The following SMO variants were observed in gnomAD, a reference collection of about 807,000 sequenced individuals.
The protein encoded by SMO is smoothened, frizzled class receptor.
A neutral mutation model predicts 81.6 loss-of-function variants in SMO; 40 were observed. The observed-to-expected ratio is 0.49, with a 90% confidence interval of 0.38 to 0.64. The LOEUF is 0.64. SMO is among the 30% of genes least tolerant of loss of function. SMO has a pLI of 0.00. For missense variants in SMO, 916 were observed against 1,061.1 expected (o/e 0.86, Z 1.90); for synonymous variants, 434 against 432.1 (o/e 1.00, Z -0.05).
At chr7:129,198,836 C>T (rs185052872) in intron 1 of SMO, among the ~76,000 whole-genome samples, 1 of 152,180 alleles carries the variant, frequency 6.6e-6, no homozygotes, top group Non-Finnish European at 1.5e-5. Flanking sequence ...GATGACATTG[C>T]CTGATGACAC....
chr7:129,211,663 C>A lies in SMO; in HGVS notation c.1829C>A (p.Pro610His), dbSNP rs779588453. The change falls in exon 11 of 12, where the codon CCC becomes CAC. Residue 610 changes from proline (P) to histidine (H), a missense_variant. Physicochemically the swap from Pro to His is moderately conservative, Grantham distance 77 (BLOSUM62 -2). Transcript: ENST00000249373. This position sits in a 1 kb window ranked among gnomAD's most constrained non-coding sequence, Gnocchi z 4.6. ...VAGLAFDLNE[P>H]SADVSSAWAQ... ...GGCTTGGCCTTTGACCTCAATGAGC[C>A]CTCAGCTGATGTCTCCTCTGCCTGG... The A allele has an allele frequency of 6.2e-7, 1 of 1,613,220 alleles. No individual in the cohort carries two copies. The highest frequency in any genetic ancestry group is 1.3e-5 in the African/African-American group (1 of 74,880).
At position 129,188,751 on chromosome 7, in the gene SMO, G is replaced by A. The variant is rs1311890995; in HGVS notation, c.-401G>A. 2.0e-5 allele frequency: 4 copies of A among 202,520 alleles called. No individual in the cohort carries two copies. The highest frequency in any genetic ancestry group is 4.0e-5 in the Non-Finnish European group (4 of 98,856). 12.5% of individuals were successfully genotyped at this position (202,520 alleles called of 1,614,324 possible). A position where few individuals can be genotyped will look rare whatever the true frequency, so the allele number is the denominator to read the frequency against. ...TGCTGGGCCGCGGGCTGGCGCGGGGGCGGAGCCGGAGCTGCACTCGCACCC... is the reference window on the plus strand; with the variant it reads ...TGCTGGGCCGCGGGCTGGCGCGGGGACGGAGCCGGAGCTGCACTCGCACCC... On this transcript the variant is annotated 5_prime_UTR_variant, in exon 1 of 12. Transcript: ENST00000249373. This position sits in a 1 kb window ranked among gnomAD's most constrained non-coding sequence, Gnocchi z 4.9.
rs565791110 is a variant in SMO at position 129,210,828 on chromosome 7, C to T, written c.1653-137C>T. 2.2e-6 allele frequency: 2 copies of T among 908,496 alleles called. No individual in the cohort carries two copies. The highest frequency in any genetic ancestry group is 5.7e-5 in the Admixed American group (2 of 35,374). 56.3% of individuals were successfully genotyped at this position (908,496 alleles called of 1,614,324 possible). On this transcript the variant is annotated intron_variant, in intron 9 of 11. Transcript: ENST00000249373. This position sits in a 1 kb window ranked among gnomAD's most constrained non-coding sequence, Gnocchi z 4.7. ...CCCCACTTCTTTGCAGAGAAGGCCT[C>T]TACTCCTGAGTCCTTGAAGGACTTG...
rs367826198 is a variant in SMO at position 129,201,881 on chromosome 7, T to A, written c.332-1503T>A. Among the ~76,000 whole-genome samples, 95 of 151,728 alleles carry A rather than the reference T, an allele frequency of 6.3e-4. 1 individual carries two copies. The South Asian group carries it at 0.015, about 24-fold the overall frequency. ...TTTTTAGTAGAGACGGGGTTTCACC[T>A]TGTTGGCCAGGCTGGTCTTGAACTC... is the stretch of plus-strand genomic sequence containing the variant. On this transcript the variant is annotated intron_variant, in intron 1 of 11. Coordinates refer to ENST00000249373, the MANE Select transcript of SMO (RefSeq NM_005631.5).
rs1793440551 is a variant in SMO at position 129,189,051 on chromosome 7, C to T, written c.-101C>T. On this transcript the variant is annotated 5_prime_UTR_variant, in exon 1 of 12. Transcript: ENST00000249373. This position sits in a 1 kb window ranked among gnomAD's most constrained non-coding sequence, Gnocchi z 4.7. ...CCGGATTCTCTGGGCGCACAGGTCG[C>T]CTGAGCCGCCTCCGCGGCCGCCGAG... The T allele has an allele frequency of 3.6e-6, 4 of 1,103,208 alleles. No individual in the cohort carries two copies. Among genetic ancestry groups the T allele is most frequent in the Non-Finnish European group, 3.4e-6 (3 of 878,338 alleles). The allele number at this position is 1,103,208 out of a possible 1,614,324, so 68.3% of individuals were successfully genotyped here.
chr7:129,210,613 T>C lies in SMO; in HGVS notation c.1652+65T>C, dbSNP rs928349584. 10 of 1,374,742 alleles carry C rather than the reference T, an allele frequency of 7.3e-6. No homozygotes were observed. The highest frequency in any genetic ancestry group is 1.2e-5 in the South Asian group (1 of 83,874). The allele number at this position is 1,374,742 out of a possible 1,614,324, so 85.2% of individuals were successfully genotyped here. A position where few individuals can be genotyped will look rare whatever the true frequency, so the allele number is the denominator to read the frequency against. On this transcript the variant is annotated intron_variant, in intron 9 of 11. Transcript: ENST00000249373. The surrounding 1 kb of genome is among the most constrained non-coding windows in gnomAD (Gnocchi z 4.7). ...ACCCTCAGCCTTGGGACCCCATCTTTAGGTTTTGTCGGGTCCTGCCTCTAG... is the reference window on the plus strand; with the variant it reads ...ACCCTCAGCCTTGGGACCCCATCTTCAGGTTTTGTCGGGTCCTGCCTCTAG...
At position 129,212,857 on chromosome 7, in the gene SMO, GC is replaced by G. The variant is rs1231279663; in HGVS notation, c.*408del. On this transcript the variant is annotated 3_prime_UTR_variant, in exon 12 of 12. Coordinates refer to ENST00000249373, the MANE Select transcript of SMO (RefSeq NM_005631.5). This position sits in a 1 kb window ranked among gnomAD's most constrained non-coding sequence, Gnocchi z 5.0. ...TATGTCTGGCAGATGAGGGCTGGCT[GC>G]CGTTTTCTGGGCTGATGGGTGCCCT... 3.4e-6 allele frequency: 1 copy of G among 298,132 alleles called. No homozygotes were observed. The highest frequency in any genetic ancestry group is 6.2e-6 in the Non-Finnish European group (1 of 160,340). 18.5% of individuals were successfully genotyped at this position (298,132 alleles called of 1,614,324 possible). A position where few individuals can be genotyped will look rare whatever the true frequency, so the allele number is the denominator to read the frequency against.
chr7:129,194,729 A>G (rs1357265159), intron 1 of SMO, among the ~76,000 whole-genome samples: 2 of 151,992 alleles, frequency 1.3e-5, no homozygotes, highest in South Asian at 2.1e-4. Flanking sequence ...ACTTTATATC[A>G]TTATGTAAGA....
In SMO at chr7:129,203,548, T is replaced by A. The variant is rs1310882621; in HGVS notation, c.496T>A (p.Phe166Ile). ...GGAGAGGGAGCGGGGCTGGCCTGAC[T>A]TCCTGCGCTGCACTCCTGACCGCTT... ...IVERERGWPD[F>I]LRCTPDRFPE... Residue 166 changes from phenylalanine to isoleucine, a missense_variant, in exon 2 of 12, where the codon TTC (phenylalanine) becomes ATC (isoleucine). Physicochemically the swap from Phe to Ile is conservative, Grantham distance 21. Coordinates refer to ENST00000249373, the MANE Select transcript of SMO (RefSeq NM_005631.5). 2 of 1,604,788 alleles carry A rather than the reference T, an allele frequency of 1.2e-6. No individual in the cohort carries two copies. Among genetic ancestry groups the A allele is most frequent in the Non-Finnish European group, 1.7e-6 (2 of 1,179,732 alleles).
At chr7:129,196,397 C>G (rs902583103) in intron 1 of SMO, among the ~76,000 whole-genome samples, 1 of 150,972 alleles carries the variant, frequency 6.6e-6, no homozygotes, top group African/African-American at 2.4e-5. Flanking sequence ...CCCGGCTGGT[C>G]TTGAACTCCT....
intron 1 of SMO, among the ~76,000 whole-genome samples, chr7:129,201,297 G>A (rs1031737321): frequency 1.3e-5 from 2 of 151,962 alleles, no homozygotes; most frequent in African/African-American, 4.8e-5. Flanking sequence ...CACCCGCCTC[G>A]GCCTCCCAAG....
At position 129,210,808 on chromosome 7, in the gene SMO, C is replaced by G. The variant is rs186706142; in HGVS notation, c.1653-157C>G. Among the ~76,000 whole-genome samples, 2 of 152,252 alleles carry G rather than the reference C, an allele frequency of 1.3e-5. No homozygotes were observed. Among genetic ancestry groups the G allele is most frequent in the East Asian group, 3.9e-4 (2 of 5,194 alleles). On this transcript the variant is annotated intron_variant, in intron 9 of 11. Coordinates refer to ENST00000249373, the MANE Select transcript of SMO (RefSeq NM_005631.5). The surrounding 1 kb of genome is among the most constrained non-coding windows in gnomAD (Gnocchi z 4.7). Reference sequence around the variant, plus strand: ...ACAGGAGCTCTGCATTCTGGCCCCACTTCTTTGCAGAGAAGGCCTCTACTC... The same window carrying G: ...ACAGGAGCTCTGCATTCTGGCCCCAGTTCTTTGCAGAGAAGGCCTCTACTC...
intron 1 of SMO, among the ~76,000 whole-genome samples, chr7:129,191,910 A>G (rs1191081054): frequency 6.6e-6 from 1 of 152,232 alleles, no homozygotes; most frequent in Non-Finnish European, 1.5e-5. Flanking sequence ...TGAAGAATAC[A>G]GATATGATCC....
Position 129,203,599 on chromosome 7 carries a change from C to CT in SMO, c.537+11dup, listed in dbSNP as rs1431354911. 1 of 1,590,168 alleles carries CT rather than the reference C, an allele frequency of 6.3e-7. No individual in the cohort carries two copies. The highest frequency in any genetic ancestry group is 8.5e-7 in the Non-Finnish European group (1 of 1,173,900). On this transcript the variant is annotated intron_variant, in intron 2 of 11. Coordinates refer to ENST00000249373, the MANE Select transcript of SMO (RefSeq NM_005631.5). ...CCCTGAAGGCTGCACGGTGAGTGCT[C>CT]TGTGAGACAAGGTCCAGGCTCTCTG... is the stretch of plus-strand genomic sequence containing the variant.
chr7:129,212,456 G>T lies in SMO; in HGVS notation c.*5G>T, dbSNP rs377699901. 31 of 1,608,810 alleles carry T rather than the reference G, an allele frequency of 1.9e-5. No homozygotes were observed. The South Asian group carries it at 3.3e-4, about 17-fold the overall frequency. ...GATGCAGACTCGGACTTCTGAGCCT[G>T]CAGAGCAGGACCTGGGACAGGAAAG... On this transcript the variant is annotated 3_prime_UTR_variant, in exon 12 of 12. Transcript: ENST00000249373. This position sits in a 1 kb window ranked among gnomAD's most constrained non-coding sequence, Gnocchi z 5.0.
At chr7:129,194,376 A>G (rs557752676) in intron 1 of SMO, among the ~76,000 whole-genome samples, 26 of 152,208 alleles carry the variant, frequency 1.7e-4, no homozygotes, top group African/African-American at 5.3e-4. Context: ...CAAGTCTTCA[A>G]TTTTGCTTCA....
In SMO at chr7:129,212,181, CAGTACCA is replaced by C; in HGVS notation, c.2095_2101del (p.Ser699PhefsTer75). The stretch of plus-strand genomic sequence containing the variant: ...AGCTTCACCCCCCTGCCCCTGCCCC[CAGTACCA>C]TTCCTCGACTGCCTCAGCTGCCCCG... On this transcript the variant is annotated frameshift_variant, in exon 12 of 12. Transcript: ENST00000249373. LOFTEE classifies it high-confidence loss of function. This position sits in a 1 kb window ranked among gnomAD's most constrained non-coding sequence, Gnocchi z 5.0. 1 of 1,557,360 alleles carries C rather than the reference CAGTACCA, an allele frequency of 6.4e-7. No homozygotes were observed. The highest frequency in any genetic ancestry group is 8.7e-7 in the Non-Finnish European group (1 of 1,150,370).
chr7:129,209,658 G>GAT, intron 8 of SMO: 1 of 439,406 alleles, frequency 2.3e-6, no homozygotes, highest in Non-Finnish European at 4.1e-6. Flanking sequence ...CTGTTAAGCA[G>GAT]CCAGTTCAGC....
intron 1 of SMO, among the ~76,000 whole-genome samples, chr7:129,198,807 ACT>A (rs1439012282): frequency 6.6e-6 from 1 of 152,164 alleles, no homozygotes; most frequent in East Asian, 1.9e-4. Context: ...GTGTAAGTAC[ACT>A]CTGATGTTCA....
Sources: gnomAD v4.1 joint callset for allele counts (sites outside exome capture counted in the v4.1 genomes callset) on GRCh38, gnomAD v4.1.1 for gene constraint, Gnocchi (gnomAD v3.1) non-coding constraint, MANE v1.5 for transcripts, NCBI Gene and HGNC (gene_info 2026-07-23, HGNC 2026-07-21) for gene names.